The following TENM4 variants were observed in gnomAD, a reference collection of about 807,000 sequenced individuals.
TENM4 encodes the protein teneurin transmembrane protein 4, also known as teneurin-4.
A neutral mutation model predicts 243.3 loss-of-function variants in TENM4; 82 were observed. That is an observed-to-expected ratio of 0.34 (90% CI 0.28 to 0.40). The LOEUF (loss-of-function observed/expected upper bound fraction) is 0.40, where lower values mean the gene tolerates loss of function less well. Among genes scored for constraint, TENM4 ranks in the 10% least tolerant of loss-of-function variants. The pLI, the probability that TENM4 is intolerant of heterozygous loss-of-function variation, is 1.00. For synonymous variants in TENM4, 1,412 were observed against 1,456.3 expected, an observed-to-expected ratio of 0.97 and a Z score of 0.69; for missense variants, 3,138 against 3,673.3, an observed-to-expected ratio of 0.85 and a Z score of 3.77.
intron 6 of TENM4, among the ~76,000 whole-genome samples, chr11:79,009,207 A>T (rs570946794): frequency 1.3e-5 from 2 of 152,288 alleles, no homozygotes; most frequent in Admixed American, 1.3e-4. Flanking sequence ...ACCAAGCTGG[A>T]CACACGTGGG....
intron 1 of TENM4, among the ~76,000 whole-genome samples, chr11:79,355,612 G>A (rs1352298946): frequency 9.8e-6 from 1 of 102,194 alleles, no homozygotes; most frequent in Non-Finnish European, 2.1e-5. Flanking sequence ...CAAAGGCCAT[G>A]TCTTCCCATT....
chr11:78,737,844 C>T (rs1053676864), intron 20 of TENM4, among the ~76,000 whole-genome samples: 10 of 152,166 alleles, frequency 6.6e-5, no homozygotes, highest in African/African-American at 1.7e-4. Flanking sequence ...ACGTACTATG[C>T]GCCAGGTGCT....
At chr11:79,081,509 C>T (rs7104626) in intron 4 of TENM4, among the ~76,000 whole-genome samples, 50,707 of 150,742 alleles carry the variant, frequency 0.34, 8,849 homozygotes, top group Middle Eastern at 0.45. Context: ...CAGGGATTAC[C>T]CAGGCTGTCC....
At chr11:79,382,397 G>A (rs1285969173) in intron 1 of TENM4, among the ~76,000 whole-genome samples, 1 of 152,162 alleles carries the variant, frequency 6.6e-6, no homozygotes, top group Non-Finnish European at 1.5e-5. Context: ...GCTTTCGGTG[G>A]AATGAAAGCC....
chr11:79,103,894 T>G (rs987473883), intron 4 of TENM4, among the ~76,000 whole-genome samples: 1 of 152,188 alleles, frequency 6.6e-6, no homozygotes, highest in African/African-American at 2.4e-5. Context: ...TCCTATGGTT[T>G]TTTGAATGGA....
At position 78,708,984 on chromosome 11, in the gene TENM4, T is replaced by TAA. The variant is rs1555068584; in HGVS notation, c.4055-471_4055-470dup. Among the ~76,000 whole-genome samples the TAA allele has an allele frequency of 3.3e-3, 477 of 145,290 alleles. 3 individuals carry two copies. Among genetic ancestry groups the TAA allele is most frequent in the Admixed American group, 6.1e-3 (90 of 14,712 alleles). On this transcript the variant is annotated intron_variant, in intron 26 of 33. Coordinates refer to ENST00000278550, the MANE Select transcript of TENM4 (RefSeq NM_001098816.3). ...CTTTTTCTTTCTTTTTTTTTTTTTT[T>TAA]AAAAAAAGAGTCTCGTTCTGTCACC...
chr11:79,169,422 G>A (rs1285142131), intron 3 of TENM4, among the ~76,000 whole-genome samples: 1 of 152,096 alleles, frequency 6.6e-6, no homozygotes, highest in African/African-American at 2.4e-5. Context: ...AACCTGTCTG[G>A]GATCTCAGAG....
chr11:79,062,629 T>C (rs1223685496), intron 6 of TENM4, among the ~76,000 whole-genome samples: 1 of 152,206 alleles, frequency 6.6e-6, no homozygotes, highest in Non-Finnish European at 1.5e-5. Flanking sequence ...CCTTACCCCA[T>C]CTAAGAACTA....
At chr11:79,161,596 C>T (rs960621110) in intron 3 of TENM4, among the ~76,000 whole-genome samples, 12 of 152,192 alleles carry the variant, frequency 7.9e-5, no homozygotes, top group Admixed American at 2.0e-4. Flanking sequence ...TGCTGACAGC[C>T]GCCATAGCTA....
At chr11:78,706,645 AT>A (rs1015890533) in intron 27 of TENM4, among the ~76,000 whole-genome samples, 61 of 151,902 alleles carry the variant, frequency 4.0e-4, no homozygotes, top group Non-Finnish European at 7.4e-4. Flanking sequence ...GGGTTTTAGC[AT>A]TTTTTTCCCC....
At chr11:78,972,830 C>T (rs1857574660) in intron 6 of TENM4, among the ~76,000 whole-genome samples, 1 of 152,180 alleles carries the variant, frequency 6.6e-6, no homozygotes, top group South Asian at 2.1e-4. Flanking sequence ...CAGTCACTCC[C>T]TATTGTCCTC....
chr11:78,793,932 C>T (rs1857110963), intron 15 of TENM4, among the ~76,000 whole-genome samples: 1 of 152,226 alleles, frequency 6.6e-6, no homozygotes, highest in African/African-American at 2.4e-5. Context: ...TAGATCATAG[C>T]CCCAGCTAGA....
intron 1 of TENM4, among the ~76,000 whole-genome samples, chr11:79,299,457 C>T: frequency 6.6e-6 from 1 of 152,130 alleles, no homozygotes; most frequent in Non-Finnish European, 1.5e-5. Context: ...ATCTGGCCAC[C>T]AATTAAGTTG....
chr11:79,357,981 T>G (rs1258465422), intron 1 of TENM4, among the ~76,000 whole-genome samples: 2 of 152,224 alleles, frequency 1.3e-5, no homozygotes, highest in African/African-American at 2.4e-5. Context: ...GGAAATAGAT[T>G]AAATGGAATG....
chr11:79,093,532 A>G (rs1861008578), intron 4 of TENM4: 1 of 152,312 alleles, frequency 6.6e-6, no homozygotes, highest in Non-Finnish European at 1.5e-5. Context: ...CTGTATGATG[A>G]TTCACTGTGA....
intron 1 of TENM4, among the ~76,000 whole-genome samples, chr11:79,419,496 G>T (rs914722678): frequency 6.6e-6 from 1 of 152,188 alleles, no homozygotes; most frequent in Non-Finnish European, 1.5e-5. Context: ...TGTCTAGTAA[G>T]TCAGGGATGG....
At chr11:79,092,370 G>T (rs937653693) in intron 4 of TENM4, among the ~76,000 whole-genome samples, 4 of 152,174 alleles carry the variant, frequency 2.6e-5, no homozygotes, top group Non-Finnish European at 5.9e-5. Context: ...CCCTCCTCAT[G>T]CACCTTTCCC....
chr11:79,205,255 G>C (rs1168137301), intron 3 of TENM4, among the ~76,000 whole-genome samples: 1 of 152,052 alleles, frequency 6.6e-6, no homozygotes, highest in African/African-American at 2.4e-5. Context: ...GTAACATTTT[G>C]CAAAAGTATA....
At chr11:79,107,722 G>A (rs575086500) in intron 4 of TENM4, among the ~76,000 whole-genome samples, 5 of 152,346 alleles carry the variant, frequency 3.3e-5, no homozygotes, top group African/African-American at 1.2e-4. Flanking sequence ...GCATGGATGT[G>A]TCTAATGCCC....
Sources: gnomAD v4.1 joint callset for allele counts (sites outside exome capture counted in the v4.1 genomes callset) on GRCh38, gnomAD v4.1.1 for gene constraint, MANE v1.5 for transcripts, NCBI Gene and HGNC (gene_info 2026-07-23, HGNC 2026-07-21) for gene names.